Variants in MGAM observed in about 807,000 individuals in gnomAD.
The protein encoded by MGAM is alpha-1,4-glucosidase.
MGAM carries 253 observed loss-of-function variants against 358.8 expected under a neutral mutation model. The ratio of observed to expected loss-of-function variants is 0.71; its 90% CI spans 0.64 to 0.78. The LOEUF (loss-of-function observed/expected upper bound fraction) is 0.78, where lower values mean the gene tolerates loss of function less well. Ranked by LOEUF, MGAM falls within the 30% of genes least tolerant of loss-of-function variation. The pLI, the probability that MGAM is intolerant of heterozygous loss-of-function variation, is 0.00. For synonymous variants in MGAM, 1,105 were observed against 1,227.1 expected, an observed-to-expected ratio of 0.90 and a Z score of 2.08; for missense variants, 3,080 against 3,432.6, an observed-to-expected ratio of 0.90 and a Z score of 2.57.
At chr7:142,042,947 TTA>T (rs1354191726) in intron 21 of MGAM, among the ~76,000 whole-genome samples, 1 of 62,452 alleles carries the variant, frequency 1.6e-5, no homozygotes, top group East Asian at 4.6e-4. Flanking sequence ...AATATATATA[TTA>T]TATATACATA....
At position 142,034,314 on chromosome 7, in the gene MGAM, G is replaced by A; in HGVS notation, c.1722G>A (p.Gln574=). 2 of 1,599,330 alleles carry A rather than the reference G, an allele frequency of 1.3e-6. No individual in the cohort carries two copies. Among genetic ancestry groups the A allele is most frequent in the Non-Finnish European group, 1.7e-6 (2 of 1,172,750 alleles). Residue 574 remains glutamine (Q), a synonymous_variant, in exon 15 of 71, where the codon CAG becomes CAA. Transcript: ENST00000475668. ...FCKTLCMDAV[Q]HWGKQYDIHN... ...AGACTCTCTGTATGGATGCAGTGCA[G>A]CACTGGGGCAAGCAGTATGACATTC...
Position 142,054,909 on chromosome 7 carries a change from G to A in MGAM, c.3314+1G>A, listed in dbSNP as rs753006879. On this transcript the variant is annotated splice_donor_variant, in intron 27 of 70. Transcript: ENST00000475668. LOFTEE classifies it high-confidence loss of function. The stretch of plus-strand genomic sequence containing the variant: ...GCCGGAAGAGTACAGGCACTATAAT[G>A]TGAGTGGCTTCTAGTGTGACTCAGA... The A allele has an allele frequency of 1.9e-6, 3 of 1,613,478 alleles. No homozygotes were observed. The East Asian group carries it at 6.7e-5, about 36-fold the overall frequency.
chr7:142,102,809 C>T, intron 69 of MGAM, 130 bp downstream of exon 69: 5 of 916,792 alleles, frequency 5.5e-6, no homozygotes, highest in Non-Finnish European at 8.3e-6. Flanking sequence ...TCTTCTACTT[C>T]TCTAGACTTC....
chr7:141,992,476 A>G (rs1554447528), upstream of MGAM, among the ~76,000 whole-genome samples: 1 of 152,176 alleles, frequency 6.6e-6, no homozygotes, highest in Non-Finnish European at 1.5e-5. Flanking sequence ...CTCAAGTCAC[A>G]TGTCTTAGGA....
At position 142,084,683 on chromosome 7, in the gene MGAM, C is replaced by T. The variant is rs770027137; in HGVS notation, c.6507+39C>T. 7.8e-6 allele frequency: 12 copies of T among 1,540,342 alleles called. 1 individual carries two copies. In the South Asian group the frequency reaches 1.3e-4, roughly 16 times the overall value. On this transcript the variant is annotated intron_variant, in intron 54 of 70. Coordinates refer to ENST00000475668, the MANE Select transcript of MGAM (RefSeq NM_001365693.1). ...CATGGCTCTGGAGTTTGAAAACTAA[C>T]CCAGGTGCCTCTGTGTCTGGCTTCA...
At chr7:142,066,747 G>A (rs1158224564) in intron 41 of MGAM, 26 bp downstream of exon 41, 1 of 1,545,648 alleles carries the variant, frequency 6.5e-7, no homozygotes, top group Admixed American at 1.8e-5. Flanking sequence ...GGATCCCGAT[G>A]ACTAATGGAT....
At chr7:142,091,171 T>C (rs1815349732) in intron 57 of MGAM, among the ~76,000 whole-genome samples, 1 of 140,828 alleles carries the variant, frequency 7.1e-6, no homozygotes, top group Admixed American at 7.3e-5. Flanking sequence ...CGCGAGAACC[T>C]GGAAGGCAGA....
At chr7:141,999,426 C>T (rs1554449977) in intron 1 of MGAM, among the ~76,000 whole-genome samples, 1 of 152,160 alleles carries the variant, frequency 6.6e-6, no homozygotes, top group East Asian at 1.9e-4. Flanking sequence ...AAAGCCATGG[C>T]TGTGGAGTCC....
chr7:142,076,322 T>A, intron 46 of MGAM, 70 bp downstream of exon 46: 1 of 1,295,612 alleles, frequency 7.7e-7, no homozygotes, highest in South Asian at 1.2e-5. Context: ...TGTGCTTGTG[T>A]ATATGTGTGA....
At chr7:142,039,618 A>G (rs1231602475) in intron 19 of MGAM, among the ~76,000 whole-genome samples, 1 of 152,086 alleles carries the variant, frequency 6.6e-6, no homozygotes, top group African/African-American at 2.4e-5. Context: ...TTGTTGTTGG[A>G]TTCTCATAGC....
upstream of MGAM, among the ~76,000 whole-genome samples, chr7:141,995,255 A>AG (rs1804145276): frequency 6.6e-6 from 1 of 151,862 alleles, no homozygotes; most frequent in Non-Finnish European, 1.5e-5. Flanking sequence ...CAAAAAAAAA[A>AG]AAAATCCCCT....
intron 22 of MGAM, among the ~76,000 whole-genome samples, chr7:142,049,469 A>G (rs1006543207): frequency 1.3e-5 from 2 of 152,198 alleles, no homozygotes; most frequent in African/African-American, 4.8e-5. Flanking sequence ...TCAAACTAAA[A>G]GGCTTCTGCA....
intron 37 of MGAM, 85 bp from the exon 38 acceptor site, chr7:142,065,250 G>A: frequency 1.3e-6 from 2 of 1,535,960 alleles, no homozygotes; most frequent in Non-Finnish European, 8.8e-7. Context: ...ACATTGACTA[G>A]GCTCAAGGGC....
chr7:141,992,860 T>C (rs1438898849), upstream of MGAM, among the ~76,000 whole-genome samples: 1 of 152,136 alleles, frequency 6.6e-6, no homozygotes, highest in East Asian at 1.9e-4. Flanking sequence ...TAGGATTACA[T>C]GTATGAGCCA....
intron 2 of MGAM, among the ~76,000 whole-genome samples, chr7:142,006,127 C>G (rs1805142565): frequency 6.6e-6 from 1 of 152,016 alleles, no homozygotes; most frequent in South Asian, 2.1e-4. Flanking sequence ...GCCATTTAGT[C>G]CATCCATAAG....
At chr7:142,036,046 C>T (rs1043069896) in intron 16 of MGAM, 123 bp from the exon 17 acceptor site, 7 of 686,650 alleles carry the variant, frequency 1.0e-5, no homozygotes, top group African/African-American at 7.3e-5. Context: ...CAAATTTTGA[C>T]CACCCTCCTA....
chr7:141,999,168 A>T (rs1218486107), intron 1 of MGAM, among the ~76,000 whole-genome samples: 1 of 152,198 alleles, frequency 6.6e-6, no homozygotes, highest in Non-Finnish European at 1.5e-5. Flanking sequence ...AACTTAATAA[A>T]TAATTCATGA....
chr7:142,030,345 T>G lies in MGAM; in HGVS notation c.1222-17T>G. On this transcript the variant is annotated splice_polypyrimidine_tract_variant and intron_variant, in intron 10 of 70. Coordinates refer to ENST00000475668, the MANE Select transcript of MGAM (RefSeq NM_001365693.1). ...AAATTCCTAGGTGCTAATTGTGGAC[T>G]TTGTATATTCTTTCAGGATGTTCAG... 6.2e-7 allele frequency: 1 copy of G among 1,610,894 alleles called. No homozygotes were observed. Among genetic ancestry groups the G allele is most frequent in the African/African-American group, 1.3e-5 (1 of 74,874 alleles).
At chr7:142,025,666 A>G (rs1806900215) in intron 8 of MGAM, among the ~76,000 whole-genome samples, 1 of 152,232 alleles carries the variant, frequency 6.6e-6, no homozygotes, top group Admixed American at 6.5e-5. Context: ...GTCTATAGTA[A>G]GATGAGTATA....
Sources: gnomAD v4.1 joint callset for allele counts (sites outside exome capture counted in the v4.1 genomes callset) on GRCh38, gnomAD v4.1.1 for gene constraint, MANE v1.5 for transcripts, NCBI Gene and HGNC (gene_info 2026-07-23, HGNC 2026-07-21) for gene names.